Variants in CUL1 observed in about 807,000 individuals in gnomAD.
CUL1 encodes cullin 1, also known as cullin-1.
In CUL1, 24 loss-of-function variants were observed where a neutral mutation model predicts 118.0. The ratio of observed to expected loss-of-function variants is 0.20; its 90% CI spans 0.15 to 0.29. The LOEUF (loss-of-function observed/expected upper bound fraction) is 0.29. CUL1 is among the 10% of genes least tolerant of loss of function. The pLI is 1.00. For missense variants in CUL1, 361 were observed against 933.8 expected (o/e 0.39, Z 7.99); for synonymous variants, 332 against 340.4 (o/e 0.98, Z 0.27).
intron 1 of CUL1, among the ~76,000 whole-genome samples, chr7:148,708,003 T>C (rs1377165745): frequency 6.6e-6 from 1 of 152,096 alleles, no homozygotes; most frequent in East Asian, 1.9e-4. Flanking sequence ...GTGGACCAGG[T>C]TACCTTTCTT....
chr7:148,783,101 A>T (rs1279882907), intron 9 of CUL1, among the ~76,000 whole-genome samples: 1 of 152,154 alleles, frequency 6.6e-6, no homozygotes, highest in Non-Finnish European at 1.5e-5. Context: ...TGTTTTTCTC[A>T]TTAGCACTTA....
At chr7:148,798,516 C>A in intron 19 of CUL1, 56 bp from the exon 20 acceptor site, 1 of 1,326,940 alleles carries the variant, frequency 7.5e-7, no homozygotes, top group Non-Finnish European at 1.1e-6. Context: ...AGAAAGCAGC[C>A]TTCACTGCCT....
intron 2 of CUL1, among the ~76,000 whole-genome samples, chr7:148,750,571 T>C (rs939194967): frequency 6.6e-6 from 1 of 152,160 alleles, no homozygotes; most frequent in Non-Finnish European, 1.5e-5. Context: ...GTCCTTGTGA[T>C]AGTTTGCTCA....
intron 9 of CUL1, among the ~76,000 whole-genome samples, chr7:148,774,375 T>G (rs1800328838): frequency 6.6e-6 from 1 of 152,194 alleles, no homozygotes. Context: ...AAATAGGATG[T>G]CAAGTCCTTG....
chr7:148,769,094 G>A (rs1800114174), intron 9 of CUL1, among the ~76,000 whole-genome samples: 1 of 152,098 alleles, frequency 6.6e-6, no homozygotes, highest in Non-Finnish European at 1.5e-5. Context: ...CAGGCTGCCT[G>A]CACTCGGATC....
chr7:148,791,291 C>T (rs2129463229), intron 16 of CUL1, among the ~76,000 whole-genome samples: 1 of 152,296 alleles, frequency 6.6e-6, no homozygotes, highest in African/African-American at 2.4e-5. Context: ...AGAAGAATTG[C>T]AAATCTGTGT....
intron 13 of CUL1, 53 bp from the exon 14 acceptor site, chr7:148,788,504 T>C: frequency 8.9e-7 from 1 of 1,124,442 alleles, no homozygotes; most frequent in Non-Finnish European, 1.3e-6. Context: ...TTCCCTTGTA[T>C]ACATTTGTAT....
intron 2 of CUL1, among the ~76,000 whole-genome samples, chr7:148,744,783 T>A (rs759554441): frequency 2.4e-4 from 37 of 152,232 alleles, no homozygotes; most frequent in Non-Finnish European, 4.9e-4. Flanking sequence ...AATGCAGGTC[T>A]CTACTATGAA....
At chr7:148,717,214 G>T (rs1166046571) in intron 1 of CUL1, among the ~76,000 whole-genome samples, 1 of 151,892 alleles carries the variant, frequency 6.6e-6, no homozygotes, top group Admixed American at 6.6e-5. Flanking sequence ...CTGCCACCAC[G>T]CCCGGCTAAT....
At chr7:148,792,156 A>T (rs910479548) in intron 16 of CUL1, among the ~76,000 whole-genome samples, 2 of 151,432 alleles carry the variant, frequency 1.3e-5, no homozygotes, top group African/African-American at 4.9e-5. Flanking sequence ...ACTGCACTCC[A>T]GCCTGGGTGA....
At chr7:148,757,886 A>G (rs1799707899) in intron 4 of CUL1, among the ~76,000 whole-genome samples, 1 of 152,200 alleles carries the variant, frequency 6.6e-6, no homozygotes. Flanking sequence ...ACTATTCACT[A>G]CTATGAGAAC....
chr7:148,775,681 T>C (rs1005152213), intron 9 of CUL1, among the ~76,000 whole-genome samples: 1 of 152,228 alleles, frequency 6.6e-6, no homozygotes, highest in Non-Finnish European at 1.5e-5. Context: ...AGCACGTAGC[T>C]AAATTTGTGA....
intron 2 of CUL1, among the ~76,000 whole-genome samples, chr7:148,734,366 T>TC (rs1193165176): frequency 6.6e-6 from 1 of 152,170 alleles, no homozygotes; most frequent in Non-Finnish European, 1.5e-5. Context: ...CGCCTCAGCC[T>TC]CCAAGTAGCT....
chr7:148,726,632 G>T (rs978664341), intron 1 of CUL1, among the ~76,000 whole-genome samples: 1 of 152,064 alleles, frequency 6.6e-6, no homozygotes, highest in East Asian at 1.9e-4. Context: ...CTAGTTTGTG[G>T]TCCTGCTACT....
chr7:148,795,807 A>T (rs1343590018), intron 17 of CUL1, among the ~76,000 whole-genome samples: 2 of 149,500 alleles, frequency 1.3e-5, no homozygotes, highest in Non-Finnish European at 3.0e-5. Flanking sequence ...TAATTATTGT[A>T]TTTTGATTCT....
chr7:148,759,139 TG>T (rs753696189), intron 4 of CUL1, among the ~76,000 whole-genome samples, 164 bp from the exon 5 acceptor site: 8 of 152,258 alleles, frequency 5.3e-5, no homozygotes, highest in Non-Finnish European at 1.0e-4. Flanking sequence ...TTGAAGTTGT[TG>T]ACTCTAGAGA....
At chr7:148,759,705 C>CA (rs1404432961) in intron 6 of CUL1, 67 bp downstream of exon 6, 1 of 743,492 alleles carries the variant, frequency 1.3e-6, no homozygotes, top group East Asian at 2.7e-5. Context: ...AATGCTCTAA[C>CA]AGATGTCATT....
chr7:148,776,926 C>G (rs756764542), intron 9 of CUL1, among the ~76,000 whole-genome samples: 4 of 152,218 alleles, frequency 2.6e-5, no homozygotes, highest in Non-Finnish European at 4.4e-5. Context: ...CTGAAACATT[C>G]TACCTGGGGA....
chr7:148,783,264 G>A lies in CUL1; in HGVS notation c.1084-519G>A. 3.2e-6 allele frequency: 3 copies of A among 925,112 alleles called. No homozygotes were observed. In the South Asian group the frequency reaches 1.5e-4, roughly 46 times the overall value. 57.3% of individuals were successfully genotyped at this position (925,112 alleles called of 1,614,324 possible). The stretch of plus-strand genomic sequence containing the variant: ...CGCTCCGCCCCTCTTCCCGTCCTGC[G>A]ATGAGGCCCTGGCCCCCGGCATCGC... On this transcript the variant is annotated intron_variant, in intron 9 of 21. Coordinates refer to ENST00000325222, the MANE Select transcript of CUL1 (RefSeq NM_003592.3).
Sources: allele counts gnomAD v4.1 joint callset (sites outside exome capture counted in the v4.1 genomes callset), GRCh38; gene constraint gnomAD v4.1.1; transcripts MANE v1.5; gene names NCBI Gene and HGNC (gene_info 2026-07-23, HGNC 2026-07-21).